The following SNTG2 variants were observed in gnomAD, a reference collection of about 807,000 sequenced individuals.
SNTG2 encodes gamma-2-syntrophin.
SNTG2 carries 74 observed loss-of-function variants against 70.9 expected under a neutral mutation model. The observed-to-expected ratio is 1.04, with a 90% confidence interval of 0.86 to 1.27. SNTG2 has a LOEUF of 1.27. Among genes scored for constraint, SNTG2 ranks in the 50% most tolerant of loss-of-function variants. The pLI, the probability that SNTG2 is intolerant of heterozygous loss-of-function variation, is 0.00. For synonymous variants in SNTG2, 278 were observed against 273.8 expected, an observed-to-expected ratio of 1.02 and a Z score of -0.15; for missense variants, 717 against 690.7, an observed-to-expected ratio of 1.04 and a Z score of -0.43.
At chr2:1,240,990 A>G (rs1677010941) in intron 11 of SNTG2, among the ~76,000 whole-genome samples, 1 of 152,200 alleles carries the variant, frequency 6.6e-6, no homozygotes, top group Non-Finnish European at 1.5e-5. Flanking sequence ...CAAAGTACAT[A>G]TCTCTCTATG....
intron 6 of SNTG2, among the ~76,000 whole-genome samples, chr2:1,145,569 T>C (rs546107589): frequency 6.6e-6 from 1 of 152,322 alleles, no homozygotes; most frequent in African/African-American, 2.4e-5. Context: ...GTTAATAACT[T>C]TCTCAAACAG....
intron 14 of SNTG2, among the ~76,000 whole-genome samples, chr2:1,283,723 G>A (rs778497626): frequency 6.6e-6 from 1 of 152,112 alleles, no homozygotes; most frequent in Non-Finnish European, 1.5e-5. Flanking sequence ...GGACGTCCTC[G>A]GGACCATCAC....
intron 4 of SNTG2, among the ~76,000 whole-genome samples, chr2:1,123,215 A>G (rs909069647): frequency 6.6e-6 from 1 of 152,214 alleles, no homozygotes; most frequent in African/African-American, 2.4e-5. Context: ...AGAAAAAACA[A>G]TTCAAATATT....
At chr2:1,166,082 A>G (rs564412633) in intron 7 of SNTG2, among the ~76,000 whole-genome samples, 1 of 152,238 alleles carries the variant, frequency 6.6e-6, no homozygotes, top group South Asian at 2.1e-4. Context: ...ATTATACTTG[A>G]ATTGTGACCC....
intron 1 of SNTG2, among the ~76,000 whole-genome samples, chr2:965,500 G>A (rs986110444): frequency 6.9e-6 from 1 of 145,338 alleles, no homozygotes; most frequent in African/African-American, 2.6e-5. Flanking sequence ...TGATCCTCTG[G>A]TCTTCTTCAG....
At chr2:960,613 G>A (rs1384509933) in intron 1 of SNTG2, among the ~76,000 whole-genome samples, 4 of 149,948 alleles carry the variant, frequency 2.7e-5, no homozygotes, top group African/African-American at 9.9e-5. Flanking sequence ...GGAGCACGGT[G>A]AGCTCTGAGG....
intron 16 of SNTG2, among the ~76,000 whole-genome samples, chr2:1,347,325 C>T (rs954508274): frequency 2.6e-5 from 4 of 152,278 alleles, no homozygotes; most frequent in Admixed American, 2.6e-4. Context: ...CAGTAGCCTC[C>T]TGACCAGCCT....
intron 9 of SNTG2, among the ~76,000 whole-genome samples, chr2:1,228,734 G>A (rs1403107260): frequency 1.3e-5 from 2 of 152,136 alleles, no homozygotes; most frequent in Non-Finnish European, 2.9e-5. Context: ...GATTCATGCA[G>A]GCTACTGTGT....
At chr2:1,214,124 T>C (rs1019753683) in intron 9 of SNTG2, among the ~76,000 whole-genome samples, 1 of 152,224 alleles carries the variant, frequency 6.6e-6, no homozygotes, top group African/African-American at 2.4e-5. Flanking sequence ...GTGTTTATGC[T>C]TGTGCCTTGC....
Position 1,367,515 on chromosome 2 carries a change from G to T in SNTG2, c.*41G>T, listed in dbSNP as rs756915320. On this transcript the variant is annotated 3_prime_UTR_variant, in exon 17 of 17. Transcript: ENST00000308624. ...AGTGCTGAAAAATTAAATTATTTTCGTAAGAAATGATTCTTTCCTGCAGAA... is the reference window on the plus strand; with the variant it reads ...AGTGCTGAAAAATTAAATTATTTTCTTAAGAAATGATTCTTTCCTGCAGAA... The T allele has an allele frequency of 3.9e-6, 6 of 1,544,194 alleles. No individual in the cohort carries two copies. In the Admixed American group the frequency reaches 8.0e-5, roughly 21 times the overall value.
At chr2:1,243,027 A>G (rs1677149628) in intron 11 of SNTG2, among the ~76,000 whole-genome samples, 1 of 152,236 alleles carries the variant, frequency 6.6e-6, no homozygotes, top group South Asian at 2.1e-4. Context: ...TACCTAAGAA[A>G]GATTCAGAAA....
At chr2:988,138 T>C (rs1661386494) in intron 1 of SNTG2, among the ~76,000 whole-genome samples, 1 of 152,172 alleles carries the variant, frequency 6.6e-6, no homozygotes, top group Non-Finnish European at 1.5e-5. Context: ...GCCTGTAACA[T>C]TGAGAGGAAA....
intron 16 of SNTG2, among the ~76,000 whole-genome samples, chr2:1,337,503 C>T (rs1272120356): frequency 6.6e-6 from 1 of 152,106 alleles, no homozygotes; most frequent in Non-Finnish European, 1.5e-5. Flanking sequence ...AATAAATATT[C>T]AGATTTTTTG....
chr2:1,000,843 T>C (rs530590911), intron 1 of SNTG2, among the ~76,000 whole-genome samples: 43 of 151,976 alleles, frequency 2.8e-4, no homozygotes, highest in African/African-American at 1.0e-3. Flanking sequence ...ATATCATAGA[T>C]GAACATAGAT....
chr2:1,360,327 G>A (rs1427582129), intron 16 of SNTG2, among the ~76,000 whole-genome samples: 2 of 152,134 alleles, frequency 1.3e-5, no homozygotes, highest in East Asian at 1.9e-4. Flanking sequence ...TCCAGCCACC[G>A]CAGCTTTGGA....
intron 1 of SNTG2, among the ~76,000 whole-genome samples, chr2:1,029,051 C>T (rs891676094): frequency 3.3e-5 from 5 of 152,154 alleles, no homozygotes; most frequent in African/African-American, 7.2e-5. Flanking sequence ...GGAGGGGCTC[C>T]GGCGGCCTGG....
At chr2:1,294,094 C>T (rs1680100855) in intron 14 of SNTG2, among the ~76,000 whole-genome samples, 1 of 152,204 alleles carries the variant, frequency 6.6e-6, no homozygotes, top group Non-Finnish European at 1.5e-5. Context: ...CTCTGCATAC[C>T]CCTGCAATCT....
chr2:1,263,258 C>G (rs1318997179), intron 13 of SNTG2, among the ~76,000 whole-genome samples: 1 of 152,026 alleles, frequency 6.6e-6, no homozygotes, highest in Non-Finnish European at 1.5e-5. Flanking sequence ...AATCTTACAA[C>G]ATATTTTAAG....
At chr2:1,026,607 A>G (rs886979072) in intron 1 of SNTG2, among the ~76,000 whole-genome samples, 7 of 152,200 alleles carry the variant, frequency 4.6e-5, no homozygotes, top group African/African-American at 1.7e-4. Context: ...TAGGCATGAA[A>G]TTGTTGACAA....
Sources: gnomAD v4.1 joint callset for allele counts (sites outside exome capture counted in the v4.1 genomes callset) on GRCh38, gnomAD v4.1.1 for gene constraint, MANE v1.5 for transcripts, NCBI Gene and HGNC (gene_info 2026-07-23, HGNC 2026-07-21) for gene names.